HMMR: variants seen among roughly 807,000 people sequenced by gnomAD.
HMMR encodes the protein intracellular hyaluronic acid-binding protein.
A neutral mutation model predicts 101.0 loss-of-function variants in HMMR; 108 were observed. The ratio of observed to expected loss-of-function variants is 1.07; its 90% CI spans 0.92 to 1.25. HMMR has a LOEUF of 1.25. Ranked by LOEUF, HMMR falls within the 50% of genes most tolerant of loss-of-function variation. The pLI is 0.00. For missense variants in HMMR, 813 were observed against 788.7 expected, an observed-to-expected ratio of 1.03 and a Z score of -0.37; for synonymous variants, 296 against 276.4, an observed-to-expected ratio of 1.07 and a Z score of -0.70.
At chr5:163,473,920 AC>A (rs1758983227) in intron 9 of HMMR, 136 bp from the exon 10 acceptor site, 1 of 695,256 alleles carries the variant, frequency 1.4e-6, no homozygotes, top group Non-Finnish European at 2.5e-6. Context: ...GAGTAATGAT[AC>A]AAAGTTCACA....
rs201942409 is a variant in HMMR, at chr5:163,463,927, A to G, written c.118A>G (p.Lys40Glu). ...ATTGAAAGGACCAGTATCCTTTCAG[A>G]AATCACAAAGATTTAAACAACAAAA... ...EVLKGPVSFQ[K>E]SQRFKQQKES... is the part of the protein sequence containing the mutation. The change falls in exon 2 of 18, where the codon AAA becomes GAA. Residue 40 changes from lysine (K) to glutamate (E), a missense_variant. Physicochemically the swap from Lys to Glu is moderately conservative, Grantham distance 56. Coordinates refer to ENST00000393915, the MANE Select transcript of HMMR (RefSeq NM_001142556.2). The G allele has an allele frequency of 2.1e-6, 3 of 1,424,136 alleles. No homozygotes were observed. The East Asian group carries it at 7.8e-5, about 37-fold the overall frequency. 88.2% of individuals were successfully genotyped at this position (1,424,136 alleles called of 1,614,324 possible).
At position 163,482,725 on chromosome 5, in the gene HMMR, A is replaced by G; in HGVS notation, c.1469A>G (p.Lys490Arg). The G allele has an allele frequency of 6.2e-7, 1 of 1,613,924 alleles. No individual in the cohort carries two copies. The highest frequency in any genetic ancestry group is 8.5e-7 in the Non-Finnish European group (1 of 1,179,780). The change falls in exon 13 of 18, where the codon AAA becomes AGA. Residue 490 changes from lysine (K) to arginine (R), a missense_variant. Coordinates refer to ENST00000393915, the MANE Select transcript of HMMR (RefSeq NM_001142556.2). ...SLQEKAAKAG[K>R]NAEDVQHQIL... is the part of the protein sequence containing the mutation. ...CAGGAAAAAGCGGCCAAGGCTGGGAAAAATGCAGAGGATGTTCAGCATCAG... is the reference window on the plus strand; with the variant it reads ...CAGGAAAAAGCGGCCAAGGCTGGGAGAAATGCAGAGGATGTTCAGCATCAG...
rs567262832 is a variant in HMMR at position 163,475,897 on chromosome 5, T to G, written c.1268+225T>G. On this transcript the variant is annotated intron_variant, in intron 11 of 17. Coordinates refer to ENST00000393915, the MANE Select transcript of HMMR (RefSeq NM_001142556.2). ...CAGCCCCCTCTTTTAAGTTAAAAGTTAAAGGTTTTGCCCCCTTTTTTTAAG... is the reference window on the plus strand; with the variant it reads ...CAGCCCCCTCTTTTAAGTTAAAAGTGAAAGGTTTTGCCCCCTTTTTTTAAG... 4.2e-4 allele frequency among the ~76,000 whole-genome samples: 64 copies of G among 152,310 alleles called. No individual in the cohort carries two copies. In the Middle Eastern group the frequency reaches 0.01, roughly 24 times the overall value.
intron 12 of HMMR, among the ~76,000 whole-genome samples, chr5:163,482,119 G>A (rs190709488): frequency 1.1e-3 from 169 of 152,210 alleles, no homozygotes; most frequent in African/African-American, 3.9e-3. Context: ...GTTTCACCAT[G>A]TTGGTCATGC....
Position 163,473,484 on chromosome 5 carries a change from G to A in HMMR, c.831G>A (p.Glu277=), listed in dbSNP as rs746811119. 9.4e-6 allele frequency: 15 copies of A among 1,600,936 alleles called. No individual in the cohort carries two copies. The highest frequency in any genetic ancestry group is 9.4e-6 in the Non-Finnish European group (11 of 1,170,912). The change falls in exon 9 of 18, where the codon GAG becomes GAA. Residue 277 remains glutamate, a synonymous_variant. Coordinates refer to ENST00000393915, the MANE Select transcript of HMMR (RefSeq NM_001142556.2). ...TTTTAAGCCTTAAGCAGTCTCTTGA[G>A]GAGAATATTGTTATATTATCTAAAC... ...DEILSLKQSL[E]ENIVILSKQV...
Position 163,484,076 on chromosome 5 carries a change from T to C in HMMR, c.1793T>C (p.Leu598Pro), listed in dbSNP as rs761590758. 38 of 1,585,526 alleles carry C rather than the reference T, an allele frequency of 2.4e-5. No individual in the cohort carries two copies. In the South Asian group the frequency reaches 4.4e-4, roughly 18 times the overall value. Residue 598 changes from leucine to proline, a missense_variant, in exon 16 of 18, where the codon CTA becomes CCA. Physicochemically the swap from Leu to Pro is moderately conservative, Grantham distance 98 (BLOSUM62 -3). Transcript: ENST00000393915. ...YNKTKPFQLQ[L>P]DAFEVEKQAL... is the part of the protein sequence containing the mutation. ...TTAAAAAATCTTTTTCAGCTACAAC[T>C]AGATGCTTTTGAAGTAGAAAAACAG...
In HMMR at chr5:163,490,472, G is replaced by C. The variant is rs746574127; in HGVS notation, c.2045G>C (p.Gly682Ala). ...KLQEELNKVL[G>A]IKHFDPSKAF... ...CAAGAGGAATTGAATAAAGTTCTAG[G>C]TATCAAACACTTTGATCCTTCAAAG... is the stretch of plus-strand genomic sequence containing the variant. The change falls in exon 17 of 18, where the codon GGT becomes GCT. Residue 682 changes from glycine to alanine, a missense_variant. Transcript: ENST00000393915. 2.5e-6 allele frequency: 4 copies of C among 1,601,784 alleles called. No homozygotes were observed. Among genetic ancestry groups the C allele is most frequent in the Non-Finnish European group, 2.6e-6 (3 of 1,175,730 alleles).
intron 5 of HMMR, 148 bp from the exon 6 acceptor site, chr5:163,471,037 G>A (rs1758870557): frequency 1.6e-6 from 1 of 611,026 alleles, no homozygotes; most frequent in Non-Finnish European, 2.9e-6. Context: ...AGTAATTATG[G>A]TGTAGGTCAA....
Position 163,482,750 on chromosome 5 carries a change from G to T in HMMR, c.1494G>T (p.Gln498His). 1 of 1,613,980 alleles carries T rather than the reference G, an allele frequency of 6.2e-7. No individual in the cohort carries two copies. Among genetic ancestry groups the T allele is most frequent in the Non-Finnish European group, 8.5e-7 (1 of 1,179,880 alleles). ...AGKNAEDVQHQILATESSNQE... is the reference protein window; with the variant it reads ...AGKNAEDVQHHILATESSNQE... ...AAAATGCAGAGGATGTTCAGCATCA[G>T]ATTTTGGCAACTGAGAGCTCAAATC... Residue 498 changes from glutamine to histidine, a missense_variant, in exon 13 of 18, where the codon CAG becomes CAT. Coordinates refer to ENST00000393915, the MANE Select transcript of HMMR (RefSeq NM_001142556.2).
intron 1 of HMMR, among the ~76,000 whole-genome samples, chr5:163,461,242 T>G (rs538008450): frequency 2.0e-5 from 3 of 152,216 alleles, no homozygotes; most frequent in Non-Finnish European, 2.9e-5. Flanking sequence ...ATGGCTGATA[T>G]TGACCACTTA....
In HMMR at chr5:163,463,882, G is replaced by T; in HGVS notation, c.73G>T (p.Asp25Tyr). 6.7e-7 allele frequency: 1 copy of T among 1,482,710 alleles called. No homozygotes were observed. Among genetic ancestry groups the T allele is most frequent in the Non-Finnish European group, 9.0e-7 (1 of 1,112,598 alleles). 91.8% of individuals were successfully genotyped at this position (1,482,710 alleles called of 1,614,324 possible). Reference sequence around the variant, plus strand: ...TTGTGCACCATCTCCAGGTGCTTATGATGTTAAAACTTTAGAAGTATTGAA... The same window carrying T: ...TTGTGCACCATCTCCAGGTGCTTATTATGTTAAAACTTTAGAAGTATTGAA... ...SGCAPSPGAY[D>Y]VKTLEVLKGP... is the part of the protein sequence containing the mutation. The change falls in exon 2 of 18, where the codon GAT (aspartate) becomes TAT (tyrosine). Residue 25 changes from aspartate to tyrosine, a missense_variant. Physicochemically the swap from Asp to Tyr is radical, Grantham distance 160. Transcript: ENST00000393915.
chr5:163,476,190 GCCTGTAGT>G (rs1279182335), intron 11 of HMMR, among the ~76,000 whole-genome samples: 4 of 152,008 alleles, frequency 2.6e-5, no homozygotes, highest in Non-Finnish European at 5.9e-5. Context: ...GGTGGTGTGT[GCCTGTAGT>G]CCCAGCTACT....
intron 15 of HMMR, 83 bp from the exon 16 acceptor site, chr5:163,483,986 T>C: frequency 2.7e-6 from 2 of 747,372 alleles, no homozygotes; most frequent in Middle Eastern, 3.8e-4. Context: ...TGTTTTTAAT[T>C]TTCTTTAGTG....
In HMMR at chr5:163,491,607, C is replaced by A. The variant is rs1759697453; in HGVS notation, c.*443C>A. On this transcript the variant is annotated 3_prime_UTR_variant, in exon 18 of 18. Coordinates refer to ENST00000393915, the MANE Select transcript of HMMR (RefSeq NM_001142556.2). ...TTCTGATAATGCTCACTTGGTCCTA[C>A]CTATTATCCTTCTACTTGTCCAGTT... 1 of 152,636 alleles carries A rather than the reference C, an allele frequency of 6.6e-6. No homozygotes were observed. The highest frequency in any genetic ancestry group is 2.4e-5 in the African/African-American group (1 of 41,456). 9.5% of individuals were successfully genotyped at this position (152,636 alleles called of 1,614,324 possible). A position where few individuals can be genotyped will look rare whatever the true frequency, so the allele number is the denominator to read the frequency against.
intron 11 of HMMR, among the ~76,000 whole-genome samples, chr5:163,478,161 C>T (rs1243169459): frequency 1.3e-5 from 2 of 152,044 alleles, no homozygotes. Flanking sequence ...GACTTAAAAC[C>T]CATTCTGTCT....
At chr5:163,464,557 T>C (rs1758639365) in intron 2 of HMMR, among the ~76,000 whole-genome samples, 166 bp from the exon 3 acceptor site, 1 of 152,140 alleles carries the variant, frequency 6.6e-6, no homozygotes, top group Non-Finnish European at 1.5e-5. Flanking sequence ...GAGGTTGCAG[T>C]GGGCTGAGAT....
rs547507943 is a variant in HMMR at position 163,479,184 on chromosome 5, T to C, written c.1385+384T>C. Among the ~76,000 whole-genome samples, 9 of 152,294 alleles carry C rather than the reference T, an allele frequency of 5.9e-5. No homozygotes were observed. In the South Asian group the frequency reaches 1.7e-3, roughly 28 times the overall value. ...TTTTCATAAAGAATTCAGAAGTTTT[T>C]ATCTCTTGCTAAACCTATAAAGAGA... On this transcript the variant is annotated intron_variant, in intron 12 of 17. Coordinates refer to ENST00000393915, the MANE Select transcript of HMMR (RefSeq NM_001142556.2).
intron 12 of HMMR, among the ~76,000 whole-genome samples, chr5:163,480,115 A>G (rs1759206524): frequency 6.6e-6 from 1 of 152,188 alleles, no homozygotes; most frequent in African/African-American, 2.4e-5. Context: ...CAGTAAGCCA[A>G]AAGATTTTCA....
At chr5:163,473,314 A>C (rs1758956675) in intron 8 of HMMR, 61 bp downstream of exon 8, 1 of 1,505,934 alleles carries the variant, frequency 6.6e-7, no homozygotes, top group African/African-American at 1.4e-5. Context: ...CATTTTCATC[A>C]TTTTTCTGTT....
Sources: allele counts gnomAD v4.1 joint callset (sites outside exome capture counted in the v4.1 genomes callset), GRCh38; gene constraint gnomAD v4.1.1; transcripts MANE v1.5; gene names NCBI Gene and HGNC (gene_info 2026-07-23, HGNC 2026-07-21).